The following LURAP1L variants were observed in gnomAD, a reference collection of about 807,000 sequenced individuals.
LURAP1L encodes leucine rich adaptor protein 1 like.
A neutral mutation model predicts 13.8 loss-of-function variants in LURAP1L; 12 were observed. The observed-to-expected ratio is 0.87, with a 90% confidence interval of 0.56 to 1.41. The LOEUF (loss-of-function observed/expected upper bound fraction) is 1.41, where lower values mean the gene tolerates loss of function less well. LURAP1L is among the 40% of genes most tolerant of loss of function. The probability of loss-of-function intolerance (pLI) is 0.00; values close to 1 mark genes in which losing one functional copy is unlikely to be tolerated. For synonymous variants in LURAP1L, 139 were observed against 119.2 expected (o/e 1.17, Z -1.08); for missense variants, 375 against 292.9 (o/e 1.28, Z -2.04).
intron 1 of LURAP1L, among the ~76,000 whole-genome samples, chr9:12,811,487 G>A (rs1819734803): frequency 6.6e-6 from 1 of 152,166 alleles, no homozygotes; most frequent in Non-Finnish European, 1.5e-5. Context: ...CTGTCCTCCT[G>A]TAGATGCGAA....
Position 12,809,797 on chromosome 9 carries a change from A to G in LURAP1L, c.313-11589A>G, listed in dbSNP as rs569326398. Among the ~76,000 whole-genome samples, 123 of 152,332 alleles carry G rather than the reference A, an allele frequency of 8.1e-4. 1 individual carries two copies. Among genetic ancestry groups the G allele is most frequent in the African/African-American group, 2.6e-3 (109 of 41,580 alleles). ...ATTCTGCTTACTATTTGCTGTAGCTATAGTGTCAGAGACTAAAATTTCCTC... is the reference window on the plus strand; with the variant it reads ...ATTCTGCTTACTATTTGCTGTAGCTGTAGTGTCAGAGACTAAAATTTCCTC... On this transcript the variant is annotated intron_variant, in intron 1 of 1. Transcript: ENST00000319264.
At chr9:12,789,268 T>G (rs1819407458) in intron 1 of LURAP1L, among the ~76,000 whole-genome samples, 2 of 152,128 alleles carry the variant, frequency 1.3e-5, no homozygotes, top group Admixed American at 1.3e-4. Context: ...GTAAAGTAGC[T>G]GAGATTCTGT....
chr9:12,782,915 C>G (rs2118466354), intron 1 of LURAP1L, among the ~76,000 whole-genome samples: 1 of 152,098 alleles, frequency 6.6e-6, no homozygotes, highest in Admixed American at 6.5e-5. Flanking sequence ...TTATAGTATT[C>G]ATTGTAGAGA....
chr9:12,779,996 G>C (rs1457883267), intron 1 of LURAP1L, among the ~76,000 whole-genome samples: 4 of 152,112 alleles, frequency 2.6e-5, no homozygotes, highest in African/African-American at 9.7e-5. Context: ...CAGTCCACAA[G>C]AACTGCCATG....
chr9:12,802,721 T>C (rs1819603658), intron 1 of LURAP1L, among the ~76,000 whole-genome samples: 1 of 152,142 alleles, frequency 6.6e-6, no homozygotes, highest in Non-Finnish European at 1.5e-5. Context: ...TTTAGGATAA[T>C]GTGTTGAGCT....
chr9:12,811,694 A>C (rs962657339), intron 1 of LURAP1L, among the ~76,000 whole-genome samples: 1 of 152,254 alleles, frequency 6.6e-6, no homozygotes, highest in South Asian at 2.1e-4. Context: ...GACCTTGCTA[A>C]AGTGTGGTCT....
At chr9:12,786,128 T>C (rs1280214700) in intron 1 of LURAP1L, among the ~76,000 whole-genome samples, 2 of 152,166 alleles carry the variant, frequency 1.3e-5, no homozygotes, top group South Asian at 2.1e-4. Context: ...TCAAGTATTA[T>C]GTCATTTCAT....
At chr9:12,808,753 T>C (rs997981857) in intron 1 of LURAP1L, among the ~76,000 whole-genome samples, 1 of 152,200 alleles carries the variant, frequency 6.6e-6, no homozygotes, top group African/African-American at 2.4e-5. Flanking sequence ...TGTAGCTTTG[T>C]GTCTGTCATT....
intron 1 of LURAP1L, among the ~76,000 whole-genome samples, chr9:12,820,622 C>T (rs1185163164): frequency 6.7e-6 from 1 of 149,010 alleles, no homozygotes; most frequent in Non-Finnish European, 1.5e-5. Context: ...ATATCTGAAA[C>T]AAATAGTCAG....
intron 1 of LURAP1L, among the ~76,000 whole-genome samples, chr9:12,809,893 C>A (rs1415242632): frequency 1.3e-5 from 2 of 152,078 alleles, no homozygotes; most frequent in Non-Finnish European, 2.9e-5. Flanking sequence ...TGGTCAGAGG[C>A]CTGCAGTTCT....
Position 12,797,347 on chromosome 9 carries a change from A to G in LURAP1L, c.312+21320A>G, listed in dbSNP as rs146495782. Among the ~76,000 whole-genome samples, 4 of 152,274 alleles carry G rather than the reference A, an allele frequency of 2.6e-5. No individual in the cohort carries two copies. The East Asian group carries it at 7.7e-4, about 29-fold the overall frequency. On this transcript the variant is annotated intron_variant, in intron 1 of 1. Coordinates refer to ENST00000319264, the MANE Select transcript of LURAP1L (RefSeq NM_203403.2). ...CTATGGTTGAAGAGTGACAATAGGA[A>G]TCACACTGCGATTACTTTATAAAAG...
At chr9:12,817,007 C>A (rs771018889) in intron 1 of LURAP1L, among the ~76,000 whole-genome samples, 1 of 152,144 alleles carries the variant, frequency 6.6e-6, no homozygotes, top group African/African-American at 2.4e-5. Flanking sequence ...GTGCTAGTAT[C>A]GGTTATCACC....
At chr9:12,819,480 G>T (rs149286782) in intron 1 of LURAP1L, among the ~76,000 whole-genome samples, 8 of 152,232 alleles carry the variant, frequency 5.3e-5, no homozygotes, top group African/African-American at 1.9e-4. Context: ...CAATACAAAT[G>T]AATACTTTTG....
At chr9:12,802,609 T>G (rs918259997) in intron 1 of LURAP1L, among the ~76,000 whole-genome samples, 1 of 152,146 alleles carries the variant, frequency 6.6e-6, no homozygotes, top group Non-Finnish European at 1.5e-5. Context: ...CTTTACAAAT[T>G]ACCCAGTCCC....
chr9:12,794,668 TA>T (rs1819488573), intron 1 of LURAP1L, among the ~76,000 whole-genome samples: 2 of 152,016 alleles, frequency 1.3e-5, no homozygotes, highest in African/African-American at 4.8e-5. Flanking sequence ...AAATCTATAG[TA>T]AACATACATA....
intron 1 of LURAP1L, among the ~76,000 whole-genome samples, chr9:12,803,901 A>G (rs1049238799): frequency 6.6e-6 from 1 of 152,214 alleles, no homozygotes; most frequent in African/African-American, 2.4e-5. Context: ...AAACAGCTAC[A>G]TGAAATTATT....
chr9:12,807,967 A>T (rs1423801418), intron 1 of LURAP1L, among the ~76,000 whole-genome samples: 2 of 152,162 alleles, frequency 1.3e-5, no homozygotes, highest in East Asian at 1.9e-4. Flanking sequence ...ACATCATGGT[A>T]GTACAAGTAC....
In LURAP1L at chr9:12,818,753, G is replaced by C. The variant is rs1023981490; in HGVS notation, c.313-2633G>C. On this transcript the variant is annotated intron_variant, in intron 1 of 1. Transcript: ENST00000319264. Reference sequence around the variant, plus strand: ...GACAGAGGAGCATGCCCAGAGCTGGGAATGGGCTGGAACATTTTCATGGGA... The same window carrying C: ...GACAGAGGAGCATGCCCAGAGCTGGCAATGGGCTGGAACATTTTCATGGGA... 4.6e-5 allele frequency among the ~76,000 whole-genome samples: 7 copies of C among 152,278 alleles called. No homozygotes were observed. The East Asian group carries it at 1.4e-3, about 29-fold the overall frequency.
intron 1 of LURAP1L, among the ~76,000 whole-genome samples, chr9:12,800,352 A>G (rs1023740401): frequency 3.9e-5 from 6 of 152,216 alleles, no homozygotes; most frequent in Non-Finnish European, 7.3e-5. Context: ...GTTAAGTAAC[A>G]TATCCAACTG....
Sources: gnomAD v4.1 joint callset for allele counts (sites outside exome capture counted in the v4.1 genomes callset) on GRCh38, gnomAD v4.1.1 for gene constraint, MANE v1.5 for transcripts, NCBI Gene and HGNC (gene_info 2026-07-23, HGNC 2026-07-21) for gene names.